The following PLPPR1 variants were observed in gnomAD, a reference collection of about 807,000 sequenced individuals.
The protein encoded by PLPPR1 is phospholipid phosphatase-related protein type 1.
A neutral mutation model predicts 33.1 loss-of-function variants in PLPPR1; 10 were observed. The ratio of observed to expected loss-of-function variants is 0.30; its 90% CI spans 0.19 to 0.51. The LOEUF (loss-of-function observed/expected upper bound fraction) is 0.51. Ranked by LOEUF, PLPPR1 falls within the 20% of genes least tolerant of loss-of-function variation. The pLI is 0.97. For missense variants in PLPPR1, 304 were observed against 408.1 expected (o/e 0.74, Z 2.20); for synonymous variants, 151 against 151.0 (o/e 1.00, Z 0.00).
chr9:101,240,739 A>C (rs1827448047), intron 2 of PLPPR1, among the ~76,000 whole-genome samples: 1 of 152,066 alleles, frequency 6.6e-6, no homozygotes, highest in African/African-American at 2.4e-5. Flanking sequence ...TTGGGAAATT[A>C]CTGAAGTTGG....
chr9:101,067,363 A>C (rs576404998), intron 1 of PLPPR1, among the ~76,000 whole-genome samples: 2 of 152,188 alleles, frequency 1.3e-5, no homozygotes, highest in Admixed American at 6.5e-5. Flanking sequence ...CAGAGGAGAC[A>C]TTTGGCTCTT....
intron 3 of PLPPR1, among the ~76,000 whole-genome samples, chr9:101,272,420 C>A (rs1828117766): frequency 6.6e-6 from 1 of 152,122 alleles, no homozygotes; most frequent in South Asian, 2.1e-4. Context: ...AGTGAGTCCA[C>A]ATAAATACCC....
chr9:101,234,194 A>G lies in PLPPR1; in HGVS notation c.64-35686A>G, dbSNP rs181547410. 2.0e-5 allele frequency among the ~76,000 whole-genome samples: 3 copies of G among 152,020 alleles called. No homozygotes were observed. In the East Asian group the frequency reaches 5.8e-4, roughly 30 times the overall value. On this transcript the variant is annotated intron_variant, in intron 2 of 7. Transcript: ENST00000374874. ...TTATCCTTTTCCACGTGTCATCAACATGGAGCCAAGGTGTTGTTTTCTCCC... is the reference window on the plus strand; with the variant it reads ...TTATCCTTTTCCACGTGTCATCAACGTGGAGCCAAGGTGTTGTTTTCTCCC...
chr9:101,048,141 C>T (rs534778753), intron 1 of PLPPR1, among the ~76,000 whole-genome samples: 1 of 152,322 alleles, frequency 6.6e-6, no homozygotes, highest in African/African-American at 2.4e-5. Flanking sequence ...ATTTCTTCTT[C>T]TTCTGTGTCT....
intron 3 of PLPPR1, among the ~76,000 whole-genome samples, chr9:101,275,114 T>G (rs1017586683): frequency 2.0e-5 from 3 of 152,316 alleles, no homozygotes; most frequent in African/African-American, 7.2e-5. Context: ...CTGTTCTCTA[T>G]GGAGTATAAT....
intron 4 of PLPPR1, among the ~76,000 whole-genome samples, chr9:101,292,743 C>G (rs1044851193): frequency 6.6e-6 from 1 of 151,624 alleles, no homozygotes; most frequent in African/African-American, 2.4e-5. Flanking sequence ...CCTTTACAGA[C>G]AAGCAAATGC....
chr9:101,285,078 G>T (rs1828369288), intron 3 of PLPPR1, among the ~76,000 whole-genome samples: 1 of 152,158 alleles, frequency 6.6e-6, no homozygotes, highest in Admixed American at 6.6e-5. Context: ...ATGCCTGCAG[G>T]AGGGATCTTG....
intron 2 of PLPPR1, among the ~76,000 whole-genome samples, chr9:101,243,664 A>G (rs1827525652): frequency 6.6e-6 from 1 of 151,960 alleles, no homozygotes; most frequent in African/African-American, 2.4e-5. Context: ...AAGGTGCCTA[A>G]GAAATTTCTA....
chr9:101,279,017 C>T (rs774500448), intron 3 of PLPPR1, among the ~76,000 whole-genome samples: 34 of 152,112 alleles, frequency 2.2e-4, no homozygotes, highest in Admixed American at 1.8e-3. Flanking sequence ...TATCTCAATA[C>T]GCAGCCCCAA....
intron 2 of PLPPR1, among the ~76,000 whole-genome samples, chr9:101,269,053 G>C (rs981116607): frequency 1.3e-5 from 2 of 152,026 alleles, no homozygotes; most frequent in African/African-American, 4.8e-5. Context: ...TCTTATCTTG[G>C]CATTGGTGAT....
chr9:101,188,365 T>G (rs1826239381), intron 2 of PLPPR1, among the ~76,000 whole-genome samples: 1 of 152,146 alleles, frequency 6.6e-6, no homozygotes, highest in Admixed American at 6.6e-5. Flanking sequence ...TTTGAAGAAA[T>G]TTTAAAAACC....
chr9:101,262,043 GTC>G (rs2118881760), intron 2 of PLPPR1, among the ~76,000 whole-genome samples: 1 of 151,966 alleles, frequency 6.6e-6, no homozygotes, highest in South Asian at 2.1e-4. Context: ...TAGAAAAATA[GTC>G]TCTAATTCAC....
At chr9:101,206,299 T>G (rs12555441) in intron 2 of PLPPR1, among the ~76,000 whole-genome samples, 22,220 of 149,528 alleles carry the variant, frequency 0.15, 1,966 homozygotes, top group Admixed American at 0.23. Flanking sequence ...ACATACACAA[T>G]ACACATGTGA....
intron 2 of PLPPR1, among the ~76,000 whole-genome samples, chr9:101,256,157 C>T (rs532927709): frequency 4.3e-4 from 65 of 152,264 alleles, no homozygotes; most frequent in Non-Finnish European, 7.6e-4. Flanking sequence ...GTATTATTAT[C>T]CTTTAACCCA....
intron 2 of PLPPR1, among the ~76,000 whole-genome samples, chr9:101,210,765 G>A (rs970685178): frequency 6.6e-6 from 1 of 151,632 alleles, no homozygotes; most frequent in African/African-American, 2.4e-5. Context: ...TTACAGTTTT[G>A]TTTTGTTTTG....
At chr9:101,270,950 T>C (rs571331660) in intron 3 of PLPPR1, among the ~76,000 whole-genome samples, 1 of 152,282 alleles carries the variant, frequency 6.6e-6, no homozygotes, top group South Asian at 2.1e-4. Flanking sequence ...CTGACTGGCA[T>C]GCCGAGGAAT....
chr9:101,215,025 T>TA (rs771958048), intron 2 of PLPPR1, among the ~76,000 whole-genome samples: 1,687 of 111,602 alleles, frequency 0.015, 33 homozygotes, highest in African/African-American at 0.047. Context: ...TCCATGAAAT[T>TA]AAAAAAAAAA....
At chr9:101,039,010 A>T (rs1830044538) in intron 1 of PLPPR1, among the ~76,000 whole-genome samples, 1 of 152,202 alleles carries the variant, frequency 6.6e-6, no homozygotes, top group African/African-American at 2.4e-5. Flanking sequence ...GCTTCTTGCC[A>T]TCTTGAACCT....
chr9:101,073,480 T>C (rs556494680), intron 1 of PLPPR1, among the ~76,000 whole-genome samples: 1 of 86,656 alleles, frequency 1.2e-5, no homozygotes, highest in East Asian at 8.1e-4. Flanking sequence ...TTTAATTTTA[T>C]GCTAAAAAAA....
Sources: gnomAD v4.1 joint callset for allele counts (sites outside exome capture counted in the v4.1 genomes callset) on GRCh38, gnomAD v4.1.1 for gene constraint, MANE v1.5 for transcripts, NCBI Gene and HGNC (gene_info 2026-07-23, HGNC 2026-07-21) for gene names.